The following ITSN1 variants were observed in gnomAD, a reference collection of about 807,000 sequenced individuals.
ITSN1 encodes the protein intersectin-1.
ITSN1 carries 58 observed loss-of-function variants against 239.8 expected under a neutral mutation model. The ratio of observed to expected loss-of-function variants is 0.24; its 90% CI spans 0.20 to 0.30. ITSN1 has a LOEUF of 0.30. ITSN1 is among the 10% of genes least tolerant of loss of function. The pLI, the probability that ITSN1 is intolerant of heterozygous loss-of-function variation, is 1.00. For synonymous variants in ITSN1, 780 were observed against 770.8 expected, an observed-to-expected ratio of 1.01 and a Z score of -0.20; for missense variants, 1,558 against 2,103.3, an observed-to-expected ratio of 0.74 and a Z score of 5.07.
At chr21:33,646,414 G>C (rs935674517) in intron 1 of ITSN1, among the ~76,000 whole-genome samples, 1 of 152,064 alleles carries the variant, frequency 6.6e-6, no homozygotes, top group African/African-American at 2.4e-5. Context: ...CCAACATACT[G>C]CTATAAAAAT....
At chr21:33,846,111 C>T (rs763661585) in intron 29 of ITSN1, among the ~76,000 whole-genome samples, 4 of 152,156 alleles carry the variant, frequency 2.6e-5, no homozygotes, top group Non-Finnish European at 5.9e-5. Flanking sequence ...ATCATCTAGC[C>T]TCACTCTGCT....
intron 1 of ITSN1, among the ~76,000 whole-genome samples, chr21:33,676,320 A>G (rs1397885078): frequency 1.3e-5 from 2 of 152,184 alleles, no homozygotes; most frequent in East Asian, 3.9e-4. Context: ...TCATGGTGTC[A>G]AATGAGAACA....
chr21:33,799,027 G>A (rs977763757), intron 18 of ITSN1, among the ~76,000 whole-genome samples: 3 of 152,144 alleles, frequency 2.0e-5, no homozygotes, highest in African/African-American at 7.2e-5. Context: ...TCAAAATCAT[G>A]TGGAGATAAT....
In ITSN1 at chr21:33,766,044, A is replaced by G. The variant is rs531410475; in HGVS notation, c.926+32A>G. 3.1e-6 allele frequency: 5 copies of G among 1,612,018 alleles called. No individual in the cohort carries two copies. The Admixed American group carries it at 5.0e-5, about 16-fold the overall frequency. On this transcript the variant is annotated intron_variant, in intron 10 of 39. Coordinates refer to ENST00000381318, the MANE Select transcript of ITSN1 (RefSeq NM_003024.3). ...AACATGGGCTCTGATCAGGAATTGT[A>G]TGCGGAGTATATGAATTCCAAACTT...
intron 29 of ITSN1, among the ~76,000 whole-genome samples, chr21:33,853,764 A>G (rs1290351472): frequency 1.3e-5 from 2 of 152,194 alleles, no homozygotes; most frequent in Admixed American, 1.3e-4. Flanking sequence ...AGCCCTGGCC[A>G]GCCTGCCAGA....
intron 28 of ITSN1, among the ~76,000 whole-genome samples, chr21:33,834,668 G>A (rs1169751202): frequency 1.3e-5 from 2 of 152,192 alleles, no homozygotes; most frequent in Non-Finnish European, 2.9e-5. Flanking sequence ...TCTTGCAGGA[G>A]TCATGAATGC....
intron 9 of ITSN1, 144 bp from the exon 10 acceptor site, chr21:33,765,731 T>A (rs1056347848): frequency 2.2e-5 from 16 of 713,134 alleles, no homozygotes; most frequent in Admixed American, 4.9e-5. Context: ...CAGTATAAAA[T>A]AGGTACTATT....
intron 12 of ITSN1, among the ~76,000 whole-genome samples, 184 bp downstream of exon 12, chr21:33,772,507 T>C (rs1190438502): frequency 6.6e-6 from 1 of 152,190 alleles, no homozygotes; most frequent in Non-Finnish European, 1.5e-5. Context: ...TCTTTACCCA[T>C]TAAGCAGCTA....
At chr21:33,680,127 A>G (rs958999705) in intron 1 of ITSN1, among the ~76,000 whole-genome samples, 2 of 152,126 alleles carry the variant, frequency 1.3e-5, no homozygotes, top group African/African-American at 4.8e-5. Flanking sequence ...TTGTTTCTAA[A>G]GCAAATATCT....
At chr21:33,849,889 C>A (rs1258510852) in intron 29 of ITSN1, among the ~76,000 whole-genome samples, 1 of 152,132 alleles carries the variant, frequency 6.6e-6, no homozygotes, top group Admixed American at 6.5e-5. Context: ...ACATGCCAGT[C>A]TGCCTTTGTA....
intron 29 of ITSN1, among the ~76,000 whole-genome samples, chr21:33,849,543 G>T (rs1392892377): frequency 6.9e-6 from 1 of 144,728 alleles, no homozygotes; most frequent in Non-Finnish European, 1.5e-5. Context: ...TCTAGCCTGG[G>T]CAACAGAGCA....
At chr21:33,659,126 C>T (rs1193499451) in intron 1 of ITSN1, among the ~76,000 whole-genome samples, 1 of 152,186 alleles carries the variant, frequency 6.6e-6, no homozygotes, top group Non-Finnish European at 1.5e-5. Flanking sequence ...CAGTGATCTA[C>T]TTAATCATGC....
At chr21:33,760,554 C>T (rs1481394680) in intron 8 of ITSN1, among the ~76,000 whole-genome samples, 1 of 152,096 alleles carries the variant, frequency 6.6e-6, no homozygotes, top group African/African-American at 2.4e-5. Flanking sequence ...AAGCTCATTG[C>T]CCCAATGGAT....
At chr21:33,707,240 A>T (rs1175600864) in intron 1 of ITSN1, among the ~76,000 whole-genome samples, 5 of 152,014 alleles carry the variant, frequency 3.3e-5, no homozygotes, top group African/African-American at 9.7e-5. Context: ...CTTCATTAAC[A>T]TGTAATTGAA....
chr21:33,838,171 A>C lies in ITSN1; in HGVS notation c.3661+1539A>C, dbSNP rs796826615. On this transcript the variant is annotated intron_variant, in intron 29 of 39. Coordinates refer to ENST00000381318, the MANE Select transcript of ITSN1 (RefSeq NM_003024.3). Reference sequence around the variant, plus strand: ...AAACACTAGTTGGAAGCTCTCAATAAAAATGCCTGCTGCTCACAGCACAGA... The same window carrying C: ...AAACACTAGTTGGAAGCTCTCAATACAAATGCCTGCTGCTCACAGCACAGA... 30 of 985,464 alleles carry C rather than the reference A, an allele frequency of 3.0e-5. No individual in the cohort carries two copies. In the African/African-American group the frequency reaches 5.1e-4, roughly 17 times the overall value. 61.0% of individuals were successfully genotyped at this position (985,464 alleles called of 1,614,324 possible).
At chr21:33,656,944 C>G (rs2089143220) in intron 1 of ITSN1, among the ~76,000 whole-genome samples, 1 of 152,208 alleles carries the variant, frequency 6.6e-6, no homozygotes, top group Non-Finnish European at 1.5e-5. Context: ...TGGTCACGAA[C>G]TCCTGACCTC....
In ITSN1 at chr21:33,859,357, C is replaced by G. The variant is rs1380224741; in HGVS notation, c.3890+565C>G. ...CTGGGTTTGGATTCTGACTTACTCA[C>G]TGCCTTTCCTTTTTGAGCCTTAGTT... On this transcript the variant is annotated intron_variant, in intron 31 of 39. Transcript: ENST00000381318. Among the ~76,000 whole-genome samples, 5 of 152,158 alleles carry G rather than the reference C, an allele frequency of 3.3e-5. No homozygotes were observed. The East Asian group carries it at 9.6e-4, about 29-fold the overall frequency.
intron 33 of ITSN1, among the ~76,000 whole-genome samples, chr21:33,868,622 G>A (rs1327082233): frequency 6.6e-6 from 1 of 152,204 alleles, no homozygotes. Flanking sequence ...TGCGGGGCAC[G>A]CCAAGCCCAC....
rs770996681 is a variant in ITSN1 at position 33,826,839 on chromosome 21, A to G, written c.3205A>G (p.Thr1069Ala). Residue 1069 changes from threonine (T) to alanine (A), a missense_variant, in exon 26 of 40, where the codon ACA becomes GCA. By Grantham distance (58) the Thr-to-Ala change is moderately conservative. Coordinates refer to ENST00000381318, the MANE Select transcript of ITSN1 (RefSeq NM_003024.3). ...DSEGSGTAGK[T>A]GSLGKKPEIA... ...TAAGGGCTCTGGAACTGCTGGGAAA[A>G]CAGGGAGTTTAGGAAAAAAACCTGG... is the stretch of plus-strand genomic sequence containing the variant. The G allele has an allele frequency of 1.1e-5, 18 of 1,613,854 alleles. No homozygotes were observed. The South Asian group carries it at 1.9e-4, about 17-fold the overall frequency.
Sources: allele counts gnomAD v4.1 joint callset (sites outside exome capture counted in the v4.1 genomes callset), GRCh38; gene constraint gnomAD v4.1.1; transcripts MANE v1.5; gene names NCBI Gene and HGNC (gene_info 2026-07-23, HGNC 2026-07-21).